Variants in BNIP3 observed in about 807,000 individuals in gnomAD.
BNIP3 encodes the protein BCL2/adenovirus E1B 19 kDa protein-interacting protein 3.
BNIP3 carries 16 observed loss-of-function variants against 23.9 expected under a neutral mutation model. The ratio of observed to expected loss-of-function variants is 0.67; its 90% CI spans 0.45 to 1.01. The LOEUF (loss-of-function observed/expected upper bound fraction) is 1.01, where lower values mean the gene tolerates loss of function less well. Ranked by LOEUF, BNIP3 falls within the 50% of genes least tolerant of loss-of-function variation. The probability of loss-of-function intolerance (pLI) is 0.00; values close to 1 mark genes in which losing one functional copy is unlikely to be tolerated. For synonymous variants in BNIP3, 81 were observed against 89.3 expected, an observed-to-expected ratio of 0.91 and a Z score of 0.53; for missense variants, 198 against 248.7, an observed-to-expected ratio of 0.80 and a Z score of 1.37.
rs1212489752 is a variant in BNIP3 at position 131,973,848 on chromosome 10, G to A, written c.142C>T (p.Leu48=). ...CGTCCAGACTCATGCTGTGCGTCCA[G>A]CAGTATTTTTTCCATGTCTCCATTA... ...IYNGDMEKIL[L]DAQHESGRSS... is the part of the protein sequence containing the mutation. The change falls in exon 2 of 6, where the codon CTG becomes TTG. Residue 48 remains leucine (L), a synonymous_variant. Transcript: ENST00000368636. 6.2e-7 allele frequency: 1 copy of A among 1,612,764 alleles called. No individual in the cohort carries two copies. Among genetic ancestry groups the A allele is most frequent in the Admixed American group, 1.7e-5 (1 of 60,036 alleles).
In BNIP3 at chr10:131,970,975, G is replaced by A. The variant is rs1054850781; in HGVS notation, c.283-5C>T. On this transcript the variant is annotated splice_region_variant and splice_polypyrimidine_tract_variant and intron_variant, in intron 3 of 5. Transcript: ENST00000368636. The surrounding 1 kb of genome is among the most constrained non-coding windows in gnomAD (Gnocchi z 4.1). ...TTCAATATCATCTTCCTCAGACTAA[G>A]ATAAAGTCAATGTTAAAGGCAGATC... is the stretch of plus-strand genomic sequence containing the variant. 7.4e-6 allele frequency: 12 copies of A among 1,612,476 alleles called. No homozygotes were observed. The highest frequency in any genetic ancestry group is 8.5e-6 in the Non-Finnish European group (10 of 1,179,360).
intron 1 of BNIP3, among the ~76,000 whole-genome samples, chr10:131,977,957 T>TA (rs45619637): frequency 1.4e-4 from 22 of 152,202 alleles, no homozygotes; most frequent in African/African-American, 5.3e-4. Flanking sequence ...ACTCACGTGT[T>TA]ACAGTTCTCC....
At chr10:131,980,207 C>G (rs2037108834) in intron 1 of BNIP3, 2 of 152,248 alleles carry the variant, frequency 1.3e-5, no homozygotes, top group Admixed American at 6.5e-5. Flanking sequence ...ACCGAGCCCC[C>G]CGGAGCCCCC....
chr10:131,970,612 A>C lies in BNIP3; in HGVS notation c.539+26T>G, dbSNP rs1371269671. The C allele has an allele frequency of 2.5e-6, 4 of 1,610,352 alleles. No homozygotes were observed. The highest frequency in any genetic ancestry group is 3.4e-6 in the Non-Finnish European group (4 of 1,177,920). ...GAATCGCCCCACGACATGCCATGAC[A>C]GGAGTCACACAGTCACATCACCTAC... On this transcript the variant is annotated intron_variant, in intron 5 of 5. Transcript: ENST00000368636. This position sits in a 1 kb window ranked among gnomAD's most constrained non-coding sequence, Gnocchi z 4.1.
chr10:131,975,921 A>G (rs988157527), intron 1 of BNIP3, among the ~76,000 whole-genome samples: 2 of 152,218 alleles, frequency 1.3e-5, no homozygotes, highest in Admixed American at 6.5e-5. Flanking sequence ...TGGAGGAGAA[A>G]GGCCCAGGCC....
At chr10:131,969,948 G>A (rs190107359) in intron 5 of BNIP3, 1 of 152,692 alleles carries the variant, frequency 6.5e-6, no homozygotes, top group East Asian at 1.9e-4. Flanking sequence ...CAGCACTTTG[G>A]AGGCCGAGGT....
intron 3 of BNIP3, among the ~76,000 whole-genome samples, chr10:131,972,172 C>G (rs919071143): frequency 6.6e-6 from 1 of 152,120 alleles, no homozygotes; most frequent in Non-Finnish European, 1.5e-5. Flanking sequence ...GCAATAACCC[C>G]AGGTACACTT....
intron 1 of BNIP3, among the ~76,000 whole-genome samples, chr10:131,977,275 CA>C (rs903161285): frequency 5.5e-5 from 8 of 146,402 alleles, no homozygotes; most frequent in African/African-American, 1.0e-4. Context: ...GTGTCTCAAA[CA>C]AAAAAAAAAG....
chr10:131,972,960 T>C, intron 3 of BNIP3, 74 bp downstream of exon 3: 1 of 1,456,504 alleles, frequency 6.9e-7, no homozygotes, highest in Non-Finnish European at 9.6e-7. Context: ...AGGTGCTCAA[T>C]TACATTTAAA....
In BNIP3 at chr10:131,981,892, G is replaced by T; in HGVS notation, c.-86C>A. ...TGCGGGCGGTGGGAAAGCGGAGGTC[G>T]GAGCGCCGCGGCCCAGCTGCGCTCC... is the stretch of plus-strand genomic sequence containing the variant. On this transcript the variant is annotated 5_prime_UTR_variant, in exon 1 of 6. Coordinates refer to ENST00000368636, the MANE Select transcript of BNIP3 (RefSeq NM_004052.4). 1 of 1,351,326 alleles carries T rather than the reference G, an allele frequency of 7.4e-7. No homozygotes were observed. Among genetic ancestry groups the T allele is most frequent in the East Asian group, 3.1e-5 (1 of 32,146 alleles). 83.7% of individuals were successfully genotyped at this position (1,351,326 alleles called of 1,614,324 possible).
intron 2 of BNIP3, 86 bp downstream of exon 2, chr10:131,973,705 TAG>T: frequency 6.4e-7 from 1 of 1,559,964 alleles, no homozygotes; most frequent in Non-Finnish European, 8.7e-7. Flanking sequence ...CCCACTGTCC[TAG>T]AGGTGACACG....
chr10:131,974,224 ACT>A (rs1310663104), intron 1 of BNIP3, among the ~76,000 whole-genome samples: 2 of 152,260 alleles, frequency 1.3e-5, no homozygotes, highest in Admixed American at 1.3e-4. Flanking sequence ...ATGTCCAATA[ACT>A]CTGCTGAGTC....
At chr10:131,980,938 T>C (rs974873953) in intron 1 of BNIP3, 1 of 151,884 alleles carries the variant, frequency 6.6e-6, no homozygotes, top group Admixed American at 6.6e-5. Flanking sequence ...CAAAGGCTCG[T>C]CTGGACTCTG....
rs1005953501 is a variant in BNIP3 at position 131,977,369 on chromosome 10, A to G, written c.47-3426T>C. On this transcript the variant is annotated intron_variant, in intron 1 of 5. Transcript: ENST00000368636. ...CAAGACCAAACACATACTGTAATCT[A>G]TCACACAAGGGGCAGGCTGAAGACA... Among the ~76,000 whole-genome samples the G allele has an allele frequency of 6.6e-5, 10 of 152,210 alleles. 1 individual carries two copies. In the South Asian group the frequency reaches 2.1e-3, roughly 31 times the overall value.
At chr10:131,975,741 A>G (rs1246443825) in intron 1 of BNIP3, among the ~76,000 whole-genome samples, 1 of 152,230 alleles carries the variant, frequency 6.6e-6, no homozygotes, top group Admixed American at 6.5e-5. Flanking sequence ...TTTGCAACTT[A>G]TGCCATCAAC....
chr10:131,978,743 T>C (rs1221205912), intron 1 of BNIP3, among the ~76,000 whole-genome samples: 1 of 152,052 alleles, frequency 6.6e-6, no homozygotes, highest in South Asian at 2.1e-4. Context: ...GGCAAATAGA[T>C]TGAAAAAGCT....
At chr10:131,973,708 AG>A in intron 2 of BNIP3, 84 bp downstream of exon 2, 1 of 1,561,822 alleles carries the variant, frequency 6.4e-7, no homozygotes, top group Non-Finnish European at 8.7e-7. Flanking sequence ...ACTGTCCTAG[AG>A]GTGACACGGG....
At chr10:131,978,256 G>A (rs1201428744) in intron 1 of BNIP3, among the ~76,000 whole-genome samples, 1 of 151,736 alleles carries the variant, frequency 6.6e-6, no homozygotes. Flanking sequence ...AGGTAGATGA[G>A]ATTTTGAAAA....
At chr10:131,971,103 G>A (rs1160577264) in intron 3 of BNIP3, 133 bp from the exon 4 acceptor site, 14 of 812,930 alleles carry the variant, frequency 1.7e-5, no homozygotes, top group South Asian at 3.3e-5. Context: ...GCCTCGGACC[G>A]TGGTCCAAGG....
Sources: gnomAD v4.1 joint callset for allele counts (sites outside exome capture counted in the v4.1 genomes callset) on GRCh38, gnomAD v4.1.1 for gene constraint, Gnocchi (gnomAD v3.1) non-coding constraint, MANE v1.5 for transcripts, NCBI Gene and HGNC (gene_info 2026-07-23, HGNC 2026-07-21) for gene names.